KYNU: variants seen among roughly 807,000 people sequenced by gnomAD.
KYNU encodes the protein L-kynurenine hydrolase.
A neutral mutation model predicts 59.2 loss-of-function variants in KYNU; 54 were observed. The ratio of observed to expected loss-of-function variants is 0.91; its 90% CI spans 0.73 to 1.14. KYNU has a LOEUF of 1.14. Among genes scored for constraint, KYNU ranks in the 50% most tolerant of loss-of-function variants. KYNU has a pLI of 0.00. For synonymous variants in KYNU, 177 were observed against 192.0 expected, an observed-to-expected ratio of 0.92 and a Z score of 0.65; for missense variants, 567 against 554.4, an observed-to-expected ratio of 1.02 and a Z score of -0.23.
chr2:142,881,916 C>CT lies in KYNU; in HGVS notation c.-19-3414dup, dbSNP rs869099302. On this transcript the variant is annotated intron_variant, in intron 1 of 13. Transcript: ENST00000264170. Reference sequence around the variant, plus strand: ...ACACCTGGCTTTTCTTTTCTTTTTTCTTTTTTTTTTTTTTTTTTTGTAGAG... The same window carrying CT: ...ACACCTGGCTTTTCTTTTCTTTTTTCTTTTTTTTTTTTTTTTTTTTGTAGAG... Among the ~76,000 whole-genome samples, 1,127 of 113,166 alleles carry CT rather than the reference C, an allele frequency of 1.0e-2. 20 individuals carry two copies. Among genetic ancestry groups the CT allele is most frequent in the African/African-American group, 0.025 (732 of 29,492 alleles). The allele number at this position is 113,166 out of a possible 152,430, so 74.2% of individuals were successfully genotyped here.
intron 10 of KYNU, among the ~76,000 whole-genome samples, chr2:143,024,755 G>T (rs1254226165): frequency 6.6e-6 from 1 of 151,962 alleles, no homozygotes; most frequent in East Asian, 1.9e-4. Flanking sequence ...TAACTCAGAG[G>T]ATGTTGCATT....
intron 2 of KYNU, among the ~76,000 whole-genome samples, chr2:142,890,186 A>G (rs767249245): frequency 6.6e-6 from 1 of 152,148 alleles, no homozygotes; most frequent in Non-Finnish European, 1.5e-5. Context: ...AAAGGAAGAT[A>G]TAAGAAAGAA....
chr2:142,978,761 T>C (rs1328139390), intron 8 of KYNU, among the ~76,000 whole-genome samples: 1 of 152,184 alleles, frequency 6.6e-6, no homozygotes, highest in East Asian at 1.9e-4. Context: ...ACCATCTATA[T>C]ATCAGCCCCG....
At chr2:143,022,908 C>T (rs1686449444) in intron 10 of KYNU, among the ~76,000 whole-genome samples, 1 of 151,928 alleles carries the variant, frequency 6.6e-6, no homozygotes, top group South Asian at 2.1e-4. Flanking sequence ...TCCTCTCCCT[C>T]ACCACAACAA....
chr2:143,040,586 G>A lies in KYNU; in HGVS notation c.1200G>A (p.Gly400=), dbSNP rs370304891. The change falls in exon 13 of 14, where the codon GGG becomes GGA. Residue 400 remains glycine (G), a synonymous_variant. Coordinates refer to ENST00000264170, the MANE Select transcript of KYNU (RefSeq NM_003937.3). The part of the protein sequence containing the change: ...IITPSHVEER[G]CQLTITFSVP... ...CTCCGTCTCATGTAGAGGAGCGGGG[G>A]TGCCAGCTAACAATAACATTTTCTG... The A allele has an allele frequency of 1.2e-6, 2 of 1,612,350 alleles. No homozygotes were observed. The highest frequency in any genetic ancestry group is 1.7e-5 in the Admixed American group (1 of 59,776).
intron 2 of KYNU, among the ~76,000 whole-genome samples, chr2:142,894,482 T>C (rs1681805108): frequency 6.6e-6 from 1 of 152,144 alleles, no homozygotes; most frequent in African/African-American, 2.4e-5. Flanking sequence ...AAATCATACA[T>C]CTCTACAAAT....
At chr2:143,025,079 T>C (rs1686514163) in intron 10 of KYNU, among the ~76,000 whole-genome samples, 1 of 152,162 alleles carries the variant, frequency 6.6e-6, no homozygotes, top group Non-Finnish European at 1.5e-5. Context: ...TCCTGATTTC[T>C]GCATGCTCAT....
At chr2:142,934,797 C>T (rs557536077) in intron 4 of KYNU, among the ~76,000 whole-genome samples, 16 of 152,320 alleles carry the variant, frequency 1.1e-4, no homozygotes, top group Admixed American at 5.9e-4. Flanking sequence ...TGGCCAGCTT[C>T]GGAAGGGATG....
At chr2:142,980,023 T>C (rs1685005462) in intron 8 of KYNU, among the ~76,000 whole-genome samples, 1 of 152,130 alleles carries the variant, frequency 6.6e-6, no homozygotes, top group South Asian at 2.1e-4. Context: ...TCTTGTTATA[T>C]ACTAAACAAG....
chr2:142,932,366 C>A (rs114479537), intron 4 of KYNU, among the ~76,000 whole-genome samples: 8,302 of 152,102 alleles, frequency 0.055, 325 homozygotes, highest in Non-Finnish European at 0.087. Context: ...GAGGAGAGAA[C>A]AAGGACAGGG....
intron 8 of KYNU, among the ~76,000 whole-genome samples, chr2:142,968,941 C>T (rs1165223920): frequency 6.6e-6 from 1 of 151,482 alleles, no homozygotes; most frequent in Non-Finnish European, 1.5e-5. Flanking sequence ...AATAAATATG[C>T]TCTGTCATTA....
rs560255056 is a variant in KYNU at position 142,988,850 on chromosome 2, C to T, written c.902+2829C>T. ...TTGTACTTCATTTGCATTAGGAGAT[C>T]GGAGTTCTTTAATTAGGAATGGAAT... On this transcript the variant is annotated intron_variant, in intron 10 of 13. Transcript: ENST00000264170. 1.3e-4 allele frequency: 207 copies of T among 1,604,660 alleles called. 1 individual carries two copies. The highest frequency in any genetic ancestry group is 1.3e-3 in the South Asian group (117 of 90,822).
chr2:143,032,711 T>TTGTGTGTGTGTGTGTGTGTGTG (rs61062901), intron 11 of KYNU, among the ~76,000 whole-genome samples: 20,024 of 129,154 alleles, frequency 0.16, 2,364 homozygotes, highest in Non-Finnish European at 0.22. Context: ...GCTCCCTCTA[T>TTGTGTGTGTGTGTGTGTGTGTG]TGTGTGTGTG....
intron 10 of KYNU, among the ~76,000 whole-genome samples, chr2:142,988,424 T>C (rs1000787475): frequency 1.2e-4 from 18 of 151,938 alleles, no homozygotes; most frequent in African/African-American, 4.1e-4. Flanking sequence ...ATGAGCTGAC[T>C]GTAGAATATA....
intron 10 of KYNU, among the ~76,000 whole-genome samples, chr2:143,006,750 T>C (rs62169918): frequency 0.18 from 27,558 of 151,332 alleles, 3,186 homozygotes; most frequent in South Asian, 0.37. Context: ...TCCTGACCCC[T>C]GACCCCCGAG....
intron 2 of KYNU, among the ~76,000 whole-genome samples, chr2:142,903,376 CA>C (rs1236205589): frequency 6.6e-6 from 1 of 152,042 alleles, no homozygotes; most frequent in East Asian, 1.9e-4. Context: ...TTCCTATGTT[CA>C]GGTGTATAAT....
At chr2:142,960,831 C>A in intron 8 of KYNU, 61 bp downstream of exon 8, 1 of 1,469,004 alleles carries the variant, frequency 6.8e-7, no homozygotes, top group Non-Finnish European at 9.5e-7. Context: ...TAAGAGTGTT[C>A]TAATTGCATG....
At chr2:142,939,855 TAG>T (rs1345895158) in intron 4 of KYNU, among the ~76,000 whole-genome samples, 38 of 152,304 alleles carry the variant, frequency 2.5e-4, no homozygotes, top group Non-Finnish European at 4.6e-4. Context: ...AGGCTCAGTG[TAG>T]GACTTGAGTG....
At chr2:142,963,235 A>G (rs1351585274) in intron 8 of KYNU, among the ~76,000 whole-genome samples, 1 of 152,170 alleles carries the variant, frequency 6.6e-6, no homozygotes, top group Non-Finnish European at 1.5e-5. Flanking sequence ...CCTTATAACC[A>G]TCACCCCATC....
Sources: gnomAD v4.1 joint callset for allele counts (sites outside exome capture counted in the v4.1 genomes callset) on GRCh38, gnomAD v4.1.1 for gene constraint, MANE v1.5 for transcripts, NCBI Gene and HGNC (gene_info 2026-07-23, HGNC 2026-07-21) for gene names.